The following CTNNBL1 variants were observed in gnomAD, a reference collection of about 807,000 sequenced individuals.
CTNNBL1 encodes the protein catenin beta like 1, also known as beta-catenin-like protein 1.
Under a neutral mutation model 72.7 loss-of-function variants are expected in CTNNBL1, and 31 were observed. That is an observed-to-expected ratio of 0.43 (90% CI 0.32 to 0.58). The LOEUF is 0.58. Ranked by LOEUF, CTNNBL1 falls within the 20% of genes least tolerant of loss-of-function variation. The pLI, the probability that CTNNBL1 is intolerant of heterozygous loss-of-function variation, is 0.08. For missense variants in CTNNBL1, 534 were observed against 725.1 expected (o/e 0.74, Z 3.03); for synonymous variants, 240 against 267.3 (o/e 0.90, Z 1.00).
chr20:37,789,117 A>G (rs2073702934), intron 10 of CTNNBL1, among the ~76,000 whole-genome samples: 1 of 152,160 alleles, frequency 6.6e-6, no homozygotes, highest in African/African-American at 2.4e-5. Flanking sequence ...AAAAAAAAAG[A>G]AAAGGAATTT....
chr20:37,798,302 C>T (rs1183172979), intron 10 of CTNNBL1, among the ~76,000 whole-genome samples: 1 of 152,128 alleles, frequency 6.6e-6, no homozygotes, highest in African/African-American at 2.4e-5. Context: ...CAACAGAAAA[C>T]GTTTTCTCCC....
chr20:37,746,517 G>A lies in CTNNBL1; in HGVS notation c.376G>A (p.Val126Met), dbSNP rs141617183. 4 of 1,614,088 alleles carry A rather than the reference G, an allele frequency of 2.5e-6. No homozygotes were observed. The highest frequency in any genetic ancestry group is 2.2e-5 in the East Asian group (1 of 44,884). The change falls in exon 4 of 16, where the codon GTG (valine) becomes ATG (methionine). Residue 126 changes from valine (V) to methionine (M), a missense_variant. By Grantham distance (21) the Val-to-Met change is conservative. Coordinates refer to ENST00000361383, the MANE Select transcript of CTNNBL1 (RefSeq NM_030877.5). Reference protein sequence around the residue: ...DLNDIIQEMHVVATMPDLYHL... With the variant: ...DLNDIIQEMHMVATMPDLYHL... ...AAATGACATCATTCAGGAGATGCAC[G>A]TGGTGGCCACCATGCCAGACCTGTA...
intron 9 of CTNNBL1, 138 bp downstream of exon 9, chr20:37,777,850 A>G: frequency 1.2e-6 from 1 of 820,436 alleles, no homozygotes; most frequent in South Asian, 1.5e-5. Context: ...TGAGGGTTAT[A>G]CGGAGGGACA....
chr20:37,802,817 T>C (rs759884642), intron 10 of CTNNBL1, 50 bp from the exon 11 acceptor site: 5 of 1,434,464 alleles, frequency 3.5e-6, no homozygotes, highest in Non-Finnish European at 3.8e-6. Context: ...TTTTTTAAGC[T>C]CTATAATTTC....
At chr20:37,697,962 T>G (rs937119009) in intron 1 of CTNNBL1, among the ~76,000 whole-genome samples, 2 of 152,202 alleles carry the variant, frequency 1.3e-5, no homozygotes, top group African/African-American at 4.8e-5. Flanking sequence ...TTTCATTTTG[T>G]CAATCTGACC....
intron 1 of CTNNBL1, among the ~76,000 whole-genome samples, chr20:37,711,883 A>T (rs1370267697): frequency 6.6e-6 from 1 of 152,162 alleles, no homozygotes; most frequent in Non-Finnish European, 1.5e-5. Context: ...CAGAGGGGTC[A>T]GCTTCGGGGA....
At chr20:37,715,338 G>A (rs2072976842) in intron 1 of CTNNBL1, among the ~76,000 whole-genome samples, 1 of 152,122 alleles carries the variant, frequency 6.6e-6, no homozygotes, top group Non-Finnish European at 1.5e-5. Context: ...AATGAAGAAT[G>A]GTATCACCTA....
intron 11 of CTNNBL1, among the ~76,000 whole-genome samples, chr20:37,837,896 A>G (rs1185093432): frequency 6.7e-6 from 1 of 148,348 alleles, no homozygotes; most frequent in African/African-American, 2.5e-5. Context: ...TTGTATTCTA[A>G]TTGAAGGGAG....
chr20:37,763,567 C>T (rs768226767), intron 5 of CTNNBL1, among the ~76,000 whole-genome samples: 44 of 152,148 alleles, frequency 2.9e-4, no homozygotes, highest in Non-Finnish European at 5.6e-4. Context: ...GTAAAGAGTC[C>T]ATGTTTCAAG....
At chr20:37,733,363 A>G (rs1279731271) in intron 2 of CTNNBL1, among the ~76,000 whole-genome samples, 1 of 152,176 alleles carries the variant, frequency 6.6e-6, no homozygotes, top group Non-Finnish European at 1.5e-5. Context: ...TTGCATTATT[A>G]TCTTTGAAAG....
chr20:37,864,365 C>T (rs1023920938), intron 15 of CTNNBL1, among the ~76,000 whole-genome samples: 2 of 152,080 alleles, frequency 1.3e-5, no homozygotes, highest in African/African-American at 4.8e-5. Flanking sequence ...GATTTTATGG[C>T]CTACATATTT....
At chr20:37,794,075 G>A (rs979033837) in intron 10 of CTNNBL1, among the ~76,000 whole-genome samples, 10 of 152,168 alleles carry the variant, frequency 6.6e-5, no homozygotes, top group South Asian at 2.1e-4. Flanking sequence ...CACCGCACCC[G>A]GCCAAGTGGT....
intron 11 of CTNNBL1, among the ~76,000 whole-genome samples, chr20:37,820,739 T>C (rs1235100187): frequency 6.6e-6 from 1 of 152,176 alleles, no homozygotes; most frequent in Non-Finnish European, 1.5e-5. Flanking sequence ...TGATTGTAAG[T>C]TTCCTGAGGC....
chr20:37,721,878 A>G (rs2073043207), intron 1 of CTNNBL1, among the ~76,000 whole-genome samples: 1 of 152,236 alleles, frequency 6.6e-6, no homozygotes, highest in African/African-American at 2.4e-5. Context: ...GAGTAGAACT[A>G]CTGGGATAGT....
chr20:37,784,797 C>A (rs1161697121), intron 10 of CTNNBL1, among the ~76,000 whole-genome samples: 1 of 152,122 alleles, frequency 6.6e-6, no homozygotes, highest in Admixed American at 6.6e-5. Flanking sequence ...TTATAATATT[C>A]TGTGTTTTTC....
intron 10 of CTNNBL1, among the ~76,000 whole-genome samples, chr20:37,798,425 G>A (rs561680096): frequency 6.6e-5 from 10 of 152,208 alleles, no homozygotes; most frequent in African/African-American, 2.4e-4. Context: ...TGGCGTGATC[G>A]ACAGCCTGAT....
chr20:37,738,768 G>A (rs762013729), intron 3 of CTNNBL1, among the ~76,000 whole-genome samples: 4 of 152,208 alleles, frequency 2.6e-5, no homozygotes, highest in Non-Finnish European at 4.4e-5. Flanking sequence ...GTTGAGCTGG[G>A]CCTTGAAGAT....
intron 5 of CTNNBL1, among the ~76,000 whole-genome samples, chr20:37,764,892 G>C (rs2073451772): frequency 6.6e-6 from 1 of 152,046 alleles, no homozygotes; most frequent in Non-Finnish European, 1.5e-5. Flanking sequence ...GGTTTCAGAT[G>C]GTCTGTGTTC....
chr20:37,730,715 A>G (rs1032346103), intron 1 of CTNNBL1, among the ~76,000 whole-genome samples: 10 of 152,210 alleles, frequency 6.6e-5, no homozygotes, highest in African/African-American at 2.4e-4. Flanking sequence ...AGTGGCACAC[A>G]CCTGTAGTCT....
Sources: gnomAD v4.1 joint callset for allele counts (sites outside exome capture counted in the v4.1 genomes callset) on GRCh38, gnomAD v4.1.1 for gene constraint, MANE v1.5 for transcripts, NCBI Gene and HGNC (gene_info 2026-07-23, HGNC 2026-07-21) for gene names.